The following WDR70 variants were observed in gnomAD, a reference collection of about 807,000 sequenced individuals.
WDR70 encodes WD repeat-containing protein 70.
In WDR70, 53 loss-of-function variants were observed where a neutral mutation model predicts 88.6. The observed-to-expected ratio is 0.60, with a 90% CI of 0.48 to 0.75. WDR70 has a LOEUF of 0.75. Ranked by LOEUF, WDR70 falls within the 30% of genes least tolerant of loss-of-function variation. The probability of loss-of-function intolerance (pLI) is 0.00; values close to 1 mark genes in which losing one functional copy is unlikely to be tolerated. For synonymous variants in WDR70, 280 were observed against 270.0 expected, an observed-to-expected ratio of 1.04 and a Z score of -0.36; for missense variants, 610 against 823.2, an observed-to-expected ratio of 0.74 and a Z score of 3.17.
chr5:37,632,371 A>C (rs1194549672), intron 10 of WDR70, among the ~76,000 whole-genome samples: 1 of 152,202 alleles, frequency 6.6e-6, no homozygotes, highest in Non-Finnish European at 1.5e-5. Context: ...ACTGTAAAAC[A>C]TCCTCAGGTT....
rs1177430878 is a variant in WDR70 at position 37,415,436 on chromosome 5, CG to C, written c.492+18870del. ...CTGACCCCCCCACCTCCCTCCCGGACGGGGCGGCTGGCCGGGCCGGGGGCTG... is the reference window on the plus strand; with the variant it reads ...CTGACCCCCCCACCTCCCTCCCGGACGGGCGGCTGGCCGGGCCGGGGGCTG... On this transcript the variant is annotated intron_variant, in intron 5 of 17. Coordinates refer to ENST00000265107, the MANE Select transcript of WDR70 (RefSeq NM_018034.4). Among the ~76,000 whole-genome samples the C allele has an allele frequency of 1.3e-4, 11 of 87,238 alleles. 2 individuals carry two copies. Among genetic ancestry groups the C allele is most frequent in the African/African-American group, 1.9e-4 (6 of 32,162 alleles). 57.2% of individuals were successfully genotyped at this position (87,238 alleles called of 152,430 possible).
In WDR70 at chr5:37,481,974, G is replaced by A. The variant is rs140563737; in HGVS notation, c.840+1987G>A. ...TATCTTATGCCCTTTTCTAATACAG[G>A]GGCACAATGCCTCCAGTGTCTTTGC... On this transcript the variant is annotated intron_variant, in intron 8 of 17. Coordinates refer to ENST00000265107, the MANE Select transcript of WDR70 (RefSeq NM_018034.4). 8.6e-3 allele frequency among the ~76,000 whole-genome samples: 1,305 copies of A among 152,086 alleles called. 17 individuals carry two copies. Among genetic ancestry groups the A allele is most frequent in the African/African-American group, 0.03 (1,241 of 41,450 alleles).
At chr5:37,670,146 A>G (rs771821534) in intron 10 of WDR70, among the ~76,000 whole-genome samples, 5 of 152,206 alleles carry the variant, frequency 3.3e-5, no homozygotes, top group African/African-American at 7.2e-5. Context: ...GTTGAACTAC[A>G]TAGTTTAAGT....
chr5:37,733,626 G>A (rs1453343184), intron 17 of WDR70, among the ~76,000 whole-genome samples: 4 of 151,626 alleles, frequency 2.6e-5, no homozygotes, highest in East Asian at 1.9e-4. Context: ...TTGTTGTAGC[G>A]CTGCCTGTTC....
At chr5:37,387,596 G>A (rs1207637277) in intron 3 of WDR70, among the ~76,000 whole-genome samples, 2 of 151,216 alleles carry the variant, frequency 1.3e-5, no homozygotes, top group Non-Finnish European at 2.9e-5. Flanking sequence ...AAATACCATT[G>A]GGATAATTTA....
chr5:37,436,110 C>T (rs1750459947), intron 5 of WDR70, among the ~76,000 whole-genome samples: 1 of 152,010 alleles, frequency 6.6e-6, no homozygotes, highest in Admixed American at 6.6e-5. Context: ...GTGCTTTGAG[C>T]AGCTGGTCAC....
Position 37,692,814 on chromosome 5 carries a change from G to A in WDR70, c.1093-4841G>A, listed in dbSNP as rs533428708. On this transcript the variant is annotated intron_variant, in intron 10 of 17. Transcript: ENST00000265107. ...CCTTTGAAAACCAGCACAAGACAAG[G>A]ATGCCCTCTCTCACCACCCCTATTC... Among the ~76,000 whole-genome samples, 6 of 152,270 alleles carry A rather than the reference G, an allele frequency of 3.9e-5. No individual in the cohort carries two copies. In the South Asian group the frequency reaches 1.2e-3, roughly 32 times the overall value.
chr5:37,457,357 A>G (rs1421398909), intron 7 of WDR70, among the ~76,000 whole-genome samples: 3 of 152,174 alleles, frequency 2.0e-5, no homozygotes, highest in African/African-American at 4.8e-5. Flanking sequence ...TGGCCTCCCA[A>G]AGTGCTGGGA....
At chr5:37,710,817 A>G (rs1202991533) in intron 13 of WDR70, among the ~76,000 whole-genome samples, 1 of 151,834 alleles carries the variant, frequency 6.6e-6, no homozygotes, top group East Asian at 1.9e-4. Context: ...ATTTATTATT[A>G]TTATTATTGG....
intron 10 of WDR70, among the ~76,000 whole-genome samples, chr5:37,609,154 G>A (rs1744116055): frequency 6.6e-6 from 1 of 152,142 alleles, no homozygotes; most frequent in Non-Finnish European, 1.5e-5. Flanking sequence ...GAGTTTTGGG[G>A]TAGGGGGAGA....
chr5:37,423,211 G>A (rs1750002354), intron 5 of WDR70, among the ~76,000 whole-genome samples: 1 of 152,026 alleles, frequency 6.6e-6, no homozygotes, highest in Non-Finnish European at 1.5e-5. Context: ...ACAAAGCTGA[G>A]GTTTGGTGTG....
At chr5:37,551,768 G>GTTTTT (rs1176757597) in intron 9 of WDR70, among the ~76,000 whole-genome samples, 17 of 92,752 alleles carry the variant, frequency 1.8e-4, no homozygotes, top group African/African-American at 5.0e-4. Flanking sequence ...TCATTGTTTA[G>GTTTTT]TTTTTTTTTT....
chr5:37,720,426 G>A (rs1379100187), intron 13 of WDR70, among the ~76,000 whole-genome samples: 1 of 152,082 alleles, frequency 6.6e-6, no homozygotes, highest in Non-Finnish European at 1.5e-5. Context: ...AGTTCTCACT[G>A]AGAACTTGTG....
chr5:37,609,075 A>AG (rs1744114174), intron 10 of WDR70, among the ~76,000 whole-genome samples: 1 of 152,234 alleles, frequency 6.6e-6, no homozygotes, highest in African/African-American at 2.4e-5. Context: ...ATACATTTAA[A>AG]GAATAGTAGC....
chr5:37,692,292 A>C (rs1746821370), intron 10 of WDR70, among the ~76,000 whole-genome samples: 1 of 152,214 alleles, frequency 6.6e-6, no homozygotes, highest in African/African-American at 2.4e-5. Flanking sequence ...AGAGATACAA[A>C]GAGGAGCTGG....
intron 7 of WDR70, among the ~76,000 whole-genome samples, chr5:37,474,426 G>A (rs1739417515): frequency 6.6e-6 from 1 of 152,148 alleles, no homozygotes; most frequent in Admixed American, 6.6e-5. Flanking sequence ...GAGTGTGATT[G>A]TAGATTTGCC....
intron 6 of WDR70, among the ~76,000 whole-genome samples, chr5:37,440,207 A>T (rs1220840390): frequency 6.6e-6 from 1 of 152,210 alleles, no homozygotes; most frequent in Non-Finnish European, 1.5e-5. Flanking sequence ...TTACTATGGC[A>T]TAATAGTCAA....
chr5:37,713,736 T>A (rs146145273), intron 13 of WDR70, among the ~76,000 whole-genome samples: 189 of 152,352 alleles, frequency 1.2e-3, no homozygotes, highest in African/African-American at 4.2e-3. Context: ...TTTCATAATG[T>A]GTAAACAAAT....
At chr5:37,418,757 TC>T (rs1749846101) in intron 5 of WDR70, among the ~76,000 whole-genome samples, 1 of 152,080 alleles carries the variant, frequency 6.6e-6, no homozygotes, top group Admixed American at 6.6e-5. Flanking sequence ...CAGTAATTTT[TC>T]TTCTTCTTTT....
Sources: allele counts gnomAD v4.1 joint callset (sites outside exome capture counted in the v4.1 genomes callset), GRCh38; gene constraint gnomAD v4.1.1; transcripts MANE v1.5; gene names NCBI Gene and HGNC (gene_info 2026-07-23, HGNC 2026-07-21).